The following ATAD5 variants were observed in gnomAD, a reference collection of about 807,000 sequenced individuals.
ATAD5 encodes ATPase family AAA domain containing 5.
A neutral mutation model predicts 176.9 loss-of-function variants in ATAD5; 58 were observed. The ratio of observed to expected loss-of-function variants is 0.33; its 90% CI spans 0.27 to 0.41. The LOEUF (loss-of-function observed/expected upper bound fraction) is 0.41. Ranked by LOEUF, ATAD5 falls within the 10% of genes least tolerant of loss-of-function variation. The probability of loss-of-function intolerance (pLI) is 1.00; values close to 1 mark genes in which losing one functional copy is unlikely to be tolerated. For missense variants in ATAD5, 1,789 were observed against 2,094.1 expected, an observed-to-expected ratio of 0.85 and a Z score of 2.84; for synonymous variants, 640 against 712.6, an observed-to-expected ratio of 0.90 and a Z score of 1.62.
intron 18 of ATAD5, among the ~76,000 whole-genome samples, chr17:30,884,872 C>T (rs1034935532): frequency 1.1e-4 from 16 of 151,832 alleles, no homozygotes; most frequent in Middle Eastern, 3.4e-3. Context: ...CTCAGCCTCC[C>T]GAGTAGCTGG....
Position 30,835,232 on chromosome 17 carries a change from A to G in ATAD5, c.1151A>G (p.Glu384Gly), listed in dbSNP as rs778325352. The change falls in exon 2 of 23, where the codon GAA becomes GGA. Residue 384 changes from glutamate (E) to glycine (G), a missense_variant. Around this residue, in one of 6 missense-constraint regions of ATAD5, gnomAD observed 696 missense variants for 712.5 expected, o/e 0.98. Transcript: ENST00000321990. ...QEEELELAVL[E>G]AGSSEAVKPK... Reference sequence around the variant, plus strand: ...GAAGAATTAGAATTGGCTGTTTTGGAAGCTGGAAGTTCTGAAGCTGTGAAA... The same window carrying G: ...GAAGAATTAGAATTGGCTGTTTTGGGAGCTGGAAGTTCTGAAGCTGTGAAA... The G allele has an allele frequency of 2.5e-6, 4 of 1,614,076 alleles. No homozygotes were observed. The East Asian group carries it at 6.7e-5, about 27-fold the overall frequency.
At chr17:30,851,097 C>G (rs1597965219) in intron 6 of ATAD5, among the ~76,000 whole-genome samples, 1 of 142,912 alleles carries the variant, frequency 7.0e-6, no homozygotes, top group South Asian at 2.3e-4. Context: ...CCATGTTGGC[C>G]AGGCTGGTCT....
At chr17:30,863,894 A>T (rs905595559) in intron 10 of ATAD5, 3 of 151,962 alleles carry the variant, frequency 2.0e-5, no homozygotes, top group Admixed American at 2.0e-4. Flanking sequence ...CGAACTCCTG[A>T]CCTCAAGTGA....
intron 5 of ATAD5, among the ~76,000 whole-genome samples, chr17:30,844,586 A>G (rs920965284): frequency 6.9e-6 from 1 of 145,194 alleles, no homozygotes; most frequent in Admixed American, 7.0e-5. Context: ...TTGCTCTACT[A>G]AAATACAAAA....
At chr17:30,863,370 A>ATT (rs575025587) in intron 10 of ATAD5, among the ~76,000 whole-genome samples, 234 of 142,822 alleles carry the variant, frequency 1.6e-3, no homozygotes, top group Non-Finnish European at 3.0e-3. Context: ...TACTTTATGT[A>ATT]TTTTTTTTTT....
chr17:30,869,772 C>A (rs1460103574), intron 14 of ATAD5, 126 bp downstream of exon 14: 5 of 999,806 alleles, frequency 5.0e-6, no homozygotes, highest in Non-Finnish European at 7.1e-6. Flanking sequence ...CCTGCCCACC[C>A]CTGCCAGATT....
intron 9 of ATAD5, among the ~76,000 whole-genome samples, chr17:30,858,526 C>T (rs960765346): frequency 5.9e-5 from 9 of 152,060 alleles, no homozygotes; most frequent in Admixed American, 2.6e-4. Context: ...GCTGGGATTA[C>T]AGGCACCCAC....
chr17:30,852,183 A>T (rs73277964), intron 6 of ATAD5, among the ~76,000 whole-genome samples: 20,049 of 152,104 alleles, frequency 0.13, 1,465 homozygotes, highest in South Asian at 0.24. Flanking sequence ...CATTTTTATT[A>T]TATTCAGTGG....
chr17:30,837,783 C>T (rs1392278194), intron 3 of ATAD5, among the ~76,000 whole-genome samples: 2 of 152,276 alleles, frequency 1.3e-5, no homozygotes, highest in East Asian at 1.9e-4. Flanking sequence ...GGGTCTCCAC[C>T]CTCATGACCT....
intron 11 of ATAD5, among the ~76,000 whole-genome samples, chr17:30,867,361 C>G (rs549789859): frequency 6.6e-6 from 1 of 152,112 alleles, no homozygotes; most frequent in Non-Finnish European, 1.5e-5. Flanking sequence ...GATCGCACCC[C>G]TACACTCCAG....
In ATAD5 at chr17:30,879,415, G is replaced by GTGTGTA. The variant is rs1555559950; in HGVS notation, c.4013-7_4013-2dup. ...ATTTTTTTTTTTTGTGTGTGTGTGTGTGTGTAGACCCAACATTTAGTTTAA... is the reference window on the plus strand; with the variant it reads ...ATTTTTTTTTTTTGTGTGTGTGTGTGTGTGTATGTGTAGACCCAACATTTAGTTTAA... On this transcript the variant is annotated splice_polypyrimidine_tract_variant and splice_region_variant and intron_variant, in intron 17 of 22. Coordinates refer to ENST00000321990, the MANE Select transcript of ATAD5 (RefSeq NM_024857.5). The GTGTGTA allele has an allele frequency of 3.1e-6, 5 of 1,599,502 alleles. No homozygotes were observed. The highest frequency in any genetic ancestry group is 4.3e-6 in the Non-Finnish European group (5 of 1,175,080).
intron 7 of ATAD5, among the ~76,000 whole-genome samples, chr17:30,856,106 G>T (rs1166095016): frequency 2.0e-5 from 3 of 152,184 alleles, no homozygotes; most frequent in African/African-American, 7.2e-5. Context: ...TCACAGGAGT[G>T]CTGCCATAAA....
Position 30,894,736 on chromosome 17 carries a change from T to G in ATAD5, c.5456+14T>G. 1 of 1,587,840 alleles carries G rather than the reference T, an allele frequency of 6.3e-7. No individual in the cohort carries two copies. The highest frequency in any genetic ancestry group is 8.5e-7 in the Non-Finnish European group (1 of 1,170,558). On this transcript the variant is annotated intron_variant, in intron 22 of 22. Transcript: ENST00000321990. ...AAGTAAAAGAAGGTAAAGGCTTTATTAAAAACAACATTTTAGATAGCTTTT... is the reference window on the plus strand; with the variant it reads ...AAGTAAAAGAAGGTAAAGGCTTTATGAAAAACAACATTTTAGATAGCTTTT...
intron 11 of ATAD5, among the ~76,000 whole-genome samples, chr17:30,867,957 T>TATA (rs1908097767): frequency 2.5e-5 from 1 of 40,742 alleles, no homozygotes; most frequent in African/African-American, 1.1e-4. Context: ...GTGAGTGTAC[T>TATA]ATAATGTATT....
intron 9 of ATAD5, 46 bp downstream of exon 9, chr17:30,858,369 T>G (rs751805467): frequency 1.6e-6 from 2 of 1,245,392 alleles, no homozygotes; most frequent in Non-Finnish European, 2.1e-6. Flanking sequence ...CAGTTTTGGG[T>G]TTTTATATTA....
At chr17:30,847,639 A>AT (rs1215045603) in intron 6 of ATAD5, among the ~76,000 whole-genome samples, 3 of 145,392 alleles carry the variant, frequency 2.1e-5, no homozygotes, top group Admixed American at 7.0e-5. Flanking sequence ...CTACTGCAAT[A>AT]TTTTTTATTT....
intron 3 of ATAD5, among the ~76,000 whole-genome samples, chr17:30,839,346 G>T (rs1462405346): frequency 6.6e-6 from 1 of 151,720 alleles, no homozygotes; most frequent in Non-Finnish European, 1.5e-5. Context: ...GAGTGCAGTG[G>T]CACGGTCTCG....
intron 20 of ATAD5, among the ~76,000 whole-genome samples, chr17:30,893,084 T>C (rs528208144): frequency 1.3e-5 from 2 of 152,238 alleles, no homozygotes; most frequent in African/African-American, 4.8e-5. Context: ...ACTAAATACA[T>C]AGAGAATTTA....
chr17:30,857,821 A>C (rs1447366143), intron 8 of ATAD5, among the ~76,000 whole-genome samples: 1 of 150,398 alleles, frequency 6.6e-6, no homozygotes, highest in East Asian at 2.0e-4. Context: ...GCTCACTGCA[A>C]CCTCTGCCTC....
Sources: allele counts gnomAD v4.1 joint callset (sites outside exome capture counted in the v4.1 genomes callset), GRCh38; gene constraint gnomAD v4.1.1; regional missense constraint gnomAD v4.1.1; transcripts MANE v1.5; gene names NCBI Gene and HGNC (gene_info 2026-07-23, HGNC 2026-07-21).